The following HACD2 variants were observed in gnomAD, a reference collection of about 807,000 sequenced individuals.
HACD2 encodes very-long-chain (3R)-3-hydroxyacyl-CoA dehydratase 2.
A neutral mutation model predicts 31.0 loss-of-function variants in HACD2; 15 were observed. The ratio of observed to expected loss-of-function variants is 0.48; its 90% CI spans 0.32 to 0.75. HACD2 has a LOEUF of 0.75. Among genes scored for constraint, HACD2 ranks in the 30% least tolerant of loss-of-function variants. The pLI is 0.03. For synonymous variants in HACD2, 115 were observed against 122.2 expected (o/e 0.94, Z 0.39); for missense variants, 283 against 313.0 (o/e 0.90, Z 0.72).
At chr3:123,536,222 C>T (rs912936677) in intron 3 of HACD2, among the ~76,000 whole-genome samples, 4 of 152,100 alleles carry the variant, frequency 2.6e-5, no homozygotes, top group Non-Finnish European at 4.4e-5. Flanking sequence ...ACCCCCATGT[C>T]CTCAGGGTGT....
chr3:123,510,395 C>G lies in HACD2; in HGVS notation c.382-7714G>C, dbSNP rs191384327. On this transcript the variant is annotated intron_variant, in intron 4 of 6. Transcript: ENST00000383657. ...CCCGAGTAGCTGGGATTACAGCCAC[C>G]CACCAACACGCCCAGCTAATTTTTA... is the stretch of plus-strand genomic sequence containing the variant. Among the ~76,000 whole-genome samples the G allele has an allele frequency of 7.9e-4, 121 of 152,212 alleles. No homozygotes were observed. In the East Asian group the frequency reaches 0.02, roughly 25 times the overall value.
At chr3:123,564,082 G>A (rs955848733) in intron 3 of HACD2, among the ~76,000 whole-genome samples, 4 of 152,216 alleles carry the variant, frequency 2.6e-5, no homozygotes, top group African/African-American at 7.2e-5. Context: ...ATACACTATC[G>A]ACAAGGTCTC....
In HACD2 at chr3:123,537,650, GTTTT is replaced by G. The variant is rs1239551035; in HGVS notation, c.293-9180_293-9177del. ...TTAAAATTTTTTTTTGATGAATAAT[GTTTT>G]TAATGAAAAATGTCTTTTTCATGAT... On this transcript the variant is annotated intron_variant, in intron 3 of 6. Transcript: ENST00000383657. 1.1e-3 allele frequency among the ~76,000 whole-genome samples: 165 copies of G among 151,596 alleles called. 1 individual carries two copies. Among genetic ancestry groups the G allele is most frequent in the Non-Finnish European group, 1.7e-3 (112 of 67,852 alleles).
chr3:123,538,623 A>G (rs566381324), intron 3 of HACD2, among the ~76,000 whole-genome samples: 1 of 152,324 alleles, frequency 6.6e-6, no homozygotes, highest in African/African-American at 2.4e-5. Flanking sequence ...TGTCCAATCC[A>G]GTGACATCCT....
intron 1 of HACD2, 96 bp downstream of exon 1, chr3:123,584,777 G>T: frequency 2.0e-6 from 2 of 1,018,606 alleles, no homozygotes; most frequent in Non-Finnish European, 2.7e-6. Context: ...TGCACTGCCT[G>T]CGGCGGGCCG....
Position 123,563,642 on chromosome 3 carries a change from TATAC to T in HACD2, c.292+4116_292+4119del, listed in dbSNP as rs1380494322. ...TTTTTTGAATTGACAAAAAAATATA[TATAC>T]ACACACACACACACACACACACACA... On this transcript the variant is annotated intron_variant, in intron 3 of 6. Transcript: ENST00000383657. 2.8e-3 allele frequency among the ~76,000 whole-genome samples: 294 copies of T among 105,206 alleles called. 3 individuals carry two copies. In the East Asian group the frequency reaches 0.039, roughly 14 times the overall value. The allele number at this position is 105,206 out of a possible 152,430, so 69.0% of individuals were successfully genotyped here.
At chr3:123,536,084 TAC>T (rs1553759312) in intron 3 of HACD2, among the ~76,000 whole-genome samples, 2 of 152,244 alleles carry the variant, frequency 1.3e-5, no homozygotes, top group South Asian at 2.1e-4. Flanking sequence ...AAGAATTTTA[TAC>T]ACATTCTTCT....
chr3:123,501,951 C>T (rs888732080), intron 5 of HACD2, among the ~76,000 whole-genome samples: 3 of 152,184 alleles, frequency 2.0e-5, no homozygotes, highest in Non-Finnish European at 2.9e-5. Context: ...TTGTCACTCT[C>T]CCTCAAAGTC....
At chr3:123,541,943 C>G (rs968160683) in intron 3 of HACD2, among the ~76,000 whole-genome samples, 1 of 151,592 alleles carries the variant, frequency 6.6e-6, no homozygotes, top group Admixed American at 6.6e-5. Flanking sequence ...GTCAGGAGAT[C>G]GAGACCATCC....
At chr3:123,536,698 C>G (rs1457371890) in intron 3 of HACD2, among the ~76,000 whole-genome samples, 1 of 152,108 alleles carries the variant, frequency 6.6e-6, no homozygotes, top group Admixed American at 6.5e-5. Context: ...TTCAGAGATC[C>G]AGACCAAAAA....
At chr3:123,573,255 T>TTAGA (rs1483197951) in intron 2 of HACD2, among the ~76,000 whole-genome samples, 4 of 152,220 alleles carry the variant, frequency 2.6e-5, no homozygotes, top group African/African-American at 9.6e-5. Flanking sequence ...GTGGTTATCT[T>TTAGA]TAGATTATGA....
At chr3:123,509,795 C>A (rs1392131107) in intron 4 of HACD2, among the ~76,000 whole-genome samples, 1 of 152,092 alleles carries the variant, frequency 6.6e-6, no homozygotes, top group Non-Finnish European at 1.5e-5. Context: ...CCGCACCTGG[C>A]CCCTGTGACT....
In HACD2 at chr3:123,492,285, A is replaced by T. The variant is rs564486300; in HGVS notation, c.*2603T>A. On this transcript the variant is annotated 3_prime_UTR_variant, in exon 7 of 7. Coordinates refer to ENST00000383657, the MANE Select transcript of HACD2 (RefSeq NM_198402.5). ...ATCTGAAATACATAATCAAGTGGGT[A>T]GTTGGGAGGATGATGCCTTTGACTA... 9.2e-5 allele frequency: 14 copies of T among 152,320 alleles called. No individual in the cohort carries two copies. Among genetic ancestry groups the T allele is most frequent in the African/African-American group, 3.1e-4 (13 of 41,582 alleles). The allele number at this position is 152,320 out of a possible 1,614,324, so 9.4% of individuals were successfully genotyped here.
At chr3:123,506,766 C>T (rs1036903677) in intron 4 of HACD2, among the ~76,000 whole-genome samples, 1 of 152,092 alleles carries the variant, frequency 6.6e-6, no homozygotes, top group Non-Finnish European at 1.5e-5. Context: ...CAATTGGGAA[C>T]ATTTTTATGG....
chr3:123,502,771 C>T (rs908988485), intron 4 of HACD2, 90 bp from the exon 5 acceptor site: 8 of 1,359,730 alleles, frequency 5.9e-6, no homozygotes, highest in African/African-American at 4.4e-5. Context: ...GGGAGTGAGT[C>T]GGCACAGCCG....
chr3:123,569,040 C>A (rs2056824751), intron 2 of HACD2, among the ~76,000 whole-genome samples: 1 of 152,076 alleles, frequency 6.6e-6, no homozygotes, highest in Non-Finnish European at 1.5e-5. Flanking sequence ...CATGCCTGAG[C>A]CTGATAAGGC....
chr3:123,514,344 C>A (rs756602228), intron 4 of HACD2, among the ~76,000 whole-genome samples: 4 of 152,056 alleles, frequency 2.6e-5, no homozygotes, highest in Non-Finnish European at 4.4e-5. Flanking sequence ...ATTGGGGAAT[C>A]TGAGTGAAGA....
chr3:123,509,978 T>A (rs2107688559), intron 4 of HACD2, among the ~76,000 whole-genome samples: 1 of 152,270 alleles, frequency 6.6e-6, no homozygotes. Flanking sequence ...TCTCAGTAAT[T>A]TCTTTGTACG....
intron 3 of HACD2, among the ~76,000 whole-genome samples, chr3:123,558,283 T>C (rs1190493023): frequency 1.3e-5 from 2 of 152,166 alleles, no homozygotes; most frequent in East Asian, 1.9e-4. Flanking sequence ...GTACAGAAGA[T>C]TTTTAAGACA....
Sources: allele counts gnomAD v4.1 joint callset (sites outside exome capture counted in the v4.1 genomes callset), GRCh38; gene constraint gnomAD v4.1.1; transcripts MANE v1.5; gene names NCBI Gene and HGNC (gene_info 2026-07-23, HGNC 2026-07-21).